SHISA9: variants seen among roughly 807,000 people sequenced by gnomAD.
SHISA9 encodes shisa family member 9, also known as protein shisa-9.
In SHISA9, 13 loss-of-function variants were observed where a neutral mutation model predicts 38.0. The observed-to-expected ratio is 0.34, with a 90% CI of 0.22 to 0.54. The LOEUF is 0.54. Ranked by LOEUF, SHISA9 falls within the 20% of genes least tolerant of loss-of-function variation. SHISA9 has a pLI of 0.91. For missense variants in SHISA9, 538 were observed against 575.8 expected, an observed-to-expected ratio of 0.93 and a Z score of 0.67; for synonymous variants, 275 against 242.0, an observed-to-expected ratio of 1.14 and a Z score of -1.27.
At chr16:12,915,540 C>G (rs1159537089) in intron 1 of SHISA9, among the ~76,000 whole-genome samples, 1 of 152,170 alleles carries the variant, frequency 6.6e-6, no homozygotes, top group Non-Finnish European at 1.5e-5. Flanking sequence ...ACAAATGGGG[C>G]TGATAGTCTG....
At position 13,177,590 on chromosome 16, in the gene SHISA9, C is replaced by G. The variant is rs1195132328; in HGVS notation, c.692-25804C>G. On this transcript the variant is annotated intron_variant, in intron 2 of 4. Transcript: ENST00000558583. ...CATATATCTACTCATACGATTTTCC[C>G]TAACTGATACCTGTCTTGCTTACTA... Among the ~76,000 whole-genome samples, 4 of 151,980 alleles carry G rather than the reference C, an allele frequency of 2.6e-5. No individual in the cohort carries two copies. In the East Asian group the frequency reaches 7.7e-4, roughly 29 times the overall value.
At chr16:12,909,391 G>C (rs11643096) in intron 1 of SHISA9, 193,125 of 985,238 alleles carry the variant, frequency 0.2, 19,238 homozygotes, top group East Asian at 0.34. Context: ...AAGTGCTCAG[G>C]AACTCTATTC....
chr16:13,427,980 G>A, the SHISA9 span, among the ~76,000 whole-genome samples: 2 of 152,240 alleles, frequency 1.3e-5, no homozygotes, highest in East Asian at 1.9e-4. Flanking sequence ...GTGTATATGA[G>A]GTTTAGAGTT....
intron 2 of SHISA9, among the ~76,000 whole-genome samples, chr16:13,121,416 C>G (rs1360281651): frequency 6.6e-6 from 1 of 152,084 alleles, no homozygotes; most frequent in African/African-American, 2.4e-5. Flanking sequence ...TGCTTGAACA[C>G]AAGTGTTTGA....
chr16:13,137,613 G>A (rs1417938300), intron 2 of SHISA9, among the ~76,000 whole-genome samples: 3 of 151,808 alleles, frequency 2.0e-5, no homozygotes, highest in African/African-American at 7.3e-5. Flanking sequence ...ATGCCACCAC[G>A]CCCAGCTAAT....
At chr16:13,438,683 A>G in the SHISA9 span, among the ~76,000 whole-genome samples, 2 of 152,222 alleles carry the variant, frequency 1.3e-5, no homozygotes, top group African/African-American at 4.8e-5. Flanking sequence ...TGACTACTGA[A>G]AAGTTTTGGC....
At chr16:13,349,773 A>G in the SHISA9 span, among the ~76,000 whole-genome samples, 1 of 152,226 alleles carries the variant, frequency 6.6e-6, no homozygotes, top group Non-Finnish European at 1.5e-5. Context: ...GTGTAGTAAT[A>G]AATTTCATGT....
In SHISA9 at chr16:13,235,326, G is replaced by A; in HGVS notation, c.1192G>A (p.Asp398Asn). Reference sequence around the variant, plus strand: ...TGGCACGGCCGAGACAGGCTCCAGCGACCCCTTGGGAACTCGCCCCCAGCA... The same window carrying A: ...TGGCACGGCCGAGACAGGCTCCAGCAACCCCTTGGGAACTCGCCCCCAGCA... ...KLGTAETGSS[D>N]PLGTRPQHYP... Residue 398 changes from aspartate to asparagine, a missense_variant, in exon 5 of 5, where the codon GAC becomes AAC. Asp to Asn is a conservative substitution (Grantham distance 23, BLOSUM62 1). Coordinates refer to ENST00000558583, the MANE Select transcript of SHISA9 (RefSeq NM_001145204.3). The A allele has an allele frequency of 2.6e-6, 4 of 1,547,790 alleles. No homozygotes were observed. The highest frequency in any genetic ancestry group is 2.7e-5 in the African/African-American group (2 of 73,092).
chr16:13,037,109 G>C (rs4780495), intron 2 of SHISA9, among the ~76,000 whole-genome samples: 5,417 of 104,774 alleles, frequency 0.052, 200 homozygotes, highest in African/African-American at 0.095. Context: ...CACACACACA[G>C]ACACACACAC....
the SHISA9 span, among the ~76,000 whole-genome samples, chr16:13,370,331 A>G: frequency 2.0e-5 from 3 of 152,348 alleles, no homozygotes; most frequent in African/African-American, 7.2e-5. Context: ...AGGAAATCAT[A>G]TGATATGGGG....
the SHISA9 span, among the ~76,000 whole-genome samples, chr16:13,425,440 T>C: frequency 0.23 from 34,778 of 151,186 alleles, 4,220 homozygotes; most frequent in Non-Finnish European, 0.26. Flanking sequence ...TGAGCTGAGA[T>C]TGCACACCTG....
intron 2 of SHISA9, among the ~76,000 whole-genome samples, chr16:13,159,997 C>G: frequency 6.6e-6 from 1 of 152,224 alleles, no homozygotes; most frequent in South Asian, 2.1e-4. Flanking sequence ...TAGAGGAAAG[C>G]GAAAATAAAC....
chr16:13,373,065 C>G, the SHISA9 span, among the ~76,000 whole-genome samples: 1 of 152,074 alleles, frequency 6.6e-6, no homozygotes, highest in Non-Finnish European at 1.5e-5. Flanking sequence ...AGCACATATC[C>G]CGACTACTAA....
At chr16:13,081,684 A>T (rs1350563550) in intron 2 of SHISA9, among the ~76,000 whole-genome samples, 1 of 151,988 alleles carries the variant, frequency 6.6e-6, no homozygotes, top group Non-Finnish European at 1.5e-5. Context: ...TTCTCAACAC[A>T]GCACTTTAGA....
At chr16:13,046,045 T>C (rs774948269) in intron 2 of SHISA9, among the ~76,000 whole-genome samples, 11 of 152,184 alleles carry the variant, frequency 7.2e-5, no homozygotes, top group Non-Finnish European at 1.2e-4. Context: ...CCAAATGCAA[T>C]AGCATATTAA....
chr16:13,187,715 T>G (rs540853685), intron 2 of SHISA9, among the ~76,000 whole-genome samples: 34 of 152,186 alleles, frequency 2.2e-4, no homozygotes, highest in Non-Finnish European at 4.6e-4. Flanking sequence ...AACCATTCAC[T>G]TATACTTTTT....
intron 2 of SHISA9, among the ~76,000 whole-genome samples, chr16:13,119,098 C>A (rs1195183972): frequency 6.6e-6 from 1 of 152,012 alleles, no homozygotes; most frequent in African/African-American, 2.4e-5. Context: ...GAACTTCTGA[C>A]CTCAGGTGAT....
chr16:13,003,170 A>C (rs2072547469), intron 2 of SHISA9, among the ~76,000 whole-genome samples: 2 of 152,164 alleles, frequency 1.3e-5, no homozygotes, highest in Non-Finnish European at 2.9e-5. Context: ...TTGGTGCAAA[A>C]TGATCTAGAG....
At chr16:13,090,696 C>A (rs1312648378) in intron 2 of SHISA9, among the ~76,000 whole-genome samples, 1 of 152,186 alleles carries the variant, frequency 6.6e-6, no homozygotes, top group Non-Finnish European at 1.5e-5. Context: ...CTATGTGCAT[C>A]GTTGCACGTG....
Sources: allele counts gnomAD v4.1 joint callset (sites outside exome capture counted in the v4.1 genomes callset), GRCh38; gene constraint gnomAD v4.1.1; transcripts MANE v1.5; gene names NCBI Gene and HGNC (gene_info 2026-07-23, HGNC 2026-07-21).